The following COL24A1 variants were observed in gnomAD, a reference collection of about 807,000 sequenced individuals.
COL24A1 encodes the protein collagen type XXIV alpha 1 chain, also known as collagen alpha-1(XXIV) chain.
Under a neutral mutation model 253.9 loss-of-function variants are expected in COL24A1, and 224 were observed. That is an observed-to-expected ratio of 0.88 (90% confidence interval 0.79 to 0.99). The LOEUF is 0.99. COL24A1 is among the 50% of genes least tolerant of loss of function. The probability of loss-of-function intolerance (pLI) is 0.00; values close to 1 mark genes in which losing one functional copy is unlikely to be tolerated. For synonymous variants in COL24A1, 685 were observed against 673.7 expected (o/e 1.02, Z -0.26); for missense variants, 2,131 against 2,068.5 (o/e 1.03, Z -0.59).
intron 28 of COL24A1, among the ~76,000 whole-genome samples, chr1:85,902,322 T>C (rs1209356348): frequency 6.6e-6 from 1 of 152,200 alleles, no homozygotes; most frequent in Non-Finnish European, 1.5e-5. Context: ...AAGGCTGCAA[T>C]GGACCTGAAT....
chr1:85,731,903 G>C (rs757619596), intron 59 of COL24A1, among the ~76,000 whole-genome samples: 7 of 152,100 alleles, frequency 4.6e-5, no homozygotes, highest in Admixed American at 1.3e-4. Context: ...GTACAGAAAG[G>C]CATTTCAGAG....
intron 10 of COL24A1, among the ~76,000 whole-genome samples, chr1:86,053,707 G>A (rs1700480094): frequency 6.6e-6 from 1 of 151,970 alleles, no homozygotes; most frequent in South Asian, 2.1e-4. Flanking sequence ...ATTACATAAG[G>A]AAATGCCAAA....
At chr1:85,804,192 T>C (rs1376353598) in intron 47 of COL24A1, among the ~76,000 whole-genome samples, 3 of 151,814 alleles carry the variant, frequency 2.0e-5, no homozygotes, top group Non-Finnish European at 4.4e-5. Context: ...TGAGGCAAAA[T>C]ACAAAAATGA....
chr1:86,039,612 A>G (rs929629604), intron 12 of COL24A1, among the ~76,000 whole-genome samples: 3 of 152,202 alleles, frequency 2.0e-5, no homozygotes, highest in African/African-American at 4.8e-5. Context: ...AATAAAAATT[A>G]TCATAGAAGG....
intron 7 of COL24A1, among the ~76,000 whole-genome samples, chr1:86,085,768 G>A (rs1703016122): frequency 6.6e-6 from 1 of 152,098 alleles, no homozygotes; most frequent in South Asian, 2.1e-4. Context: ...GTTACATGAA[G>A]GTAGCTAAGT....
Position 85,816,813 on chromosome 1 carries a change from C to T in COL24A1, c.3926G>A (p.Gly1309Glu), listed in dbSNP as rs754654207. 42 of 1,613,792 alleles carry T rather than the reference C, an allele frequency of 2.6e-5. 1 individual carries two copies. The change falls in exon 47 of 60, where the codon GGG (glycine) becomes GAG (glutamate). Residue 1309 changes from glycine (G) to glutamate (E), a missense_variant. Physicochemically the swap from Gly to Glu is moderately conservative, Grantham distance 98. Coordinates refer to ENST00000370571, the MANE Select transcript of COL24A1 (RefSeq NM_152890.7). Reference protein sequence around the residue: ...DGISGNPGKIGPPGKQGLPGI... With the variant: ...DGISGNPGKIEPPGKQGLPGI... Reference sequence around the variant, plus strand: ...AGGAAGTCCCTGTTTTCCTGGTGGCCCAATTTTTCCAGGGTTTCCTGAAAT... The same window carrying T: ...AGGAAGTCCCTGTTTTCCTGGTGGCTCAATTTTTCCAGGGTTTCCTGAAAT...
intron 50 of COL24A1, 64 bp downstream of exon 50, chr1:85,784,049 A>G: frequency 7.7e-7 from 1 of 1,300,794 alleles, no homozygotes; most frequent in Admixed American, 2.1e-5. Flanking sequence ...TACAGACTAT[A>G]TTATTTCAAC....
intron 1 of COL24A1, among the ~76,000 whole-genome samples, chr1:86,150,281 C>T (rs1387602922): frequency 1.3e-5 from 2 of 152,120 alleles, no homozygotes; most frequent in Non-Finnish European, 2.9e-5. Flanking sequence ...TCCTATAAGT[C>T]CTACCTTTTA....
chr1:85,870,648 A>G (rs977741642), intron 35 of COL24A1, among the ~76,000 whole-genome samples: 2 of 152,228 alleles, frequency 1.3e-5, no homozygotes, highest in African/African-American at 4.8e-5. Context: ...TTTGAAACCA[A>G]TGAGAACAAA....
chr1:85,771,182 C>T (rs1183940289), intron 53 of COL24A1, among the ~76,000 whole-genome samples: 1 of 152,002 alleles, frequency 6.6e-6, no homozygotes, highest in Non-Finnish European at 1.5e-5. Flanking sequence ...ATATTCGTGC[C>T]ATGGTGGTTT....
chr1:85,875,327 G>C lies in COL24A1; in HGVS notation c.3034C>G (p.Pro1012Ala). 6.2e-7 allele frequency: 1 copy of C among 1,613,156 alleles called. No individual in the cohort carries two copies. The highest frequency in any genetic ancestry group is 8.5e-7 in the Non-Finnish European group (1 of 1,179,258). The change falls in exon 34 of 60, where the codon CCT (proline) becomes GCT (alanine). Residue 1012 changes from proline (P) to alanine (A), a missense_variant. Physicochemically the swap from Pro to Ala is conservative, Grantham distance 27. Coordinates refer to ENST00000370571, the MANE Select transcript of COL24A1 (RefSeq NM_152890.7). Reference protein sequence around the residue: ...GPPGEMGMEGPPGTEGESGLQ... With the variant: ...GPPGEMGMEGAPGTEGESGLQ... ...CCAGACTCTCCCTCAGTGCCTGGAGGTCCCTACAAGAGAATAATTTAACAC... is the reference window on the plus strand; with the variant it reads ...CCAGACTCTCCCTCAGTGCCTGGAGCTCCCTACAAGAGAATAATTTAACAC...
intron 32 of COL24A1, among the ~76,000 whole-genome samples, chr1:85,886,436 C>A (rs1009908052): frequency 1.3e-5 from 2 of 151,360 alleles, no homozygotes; most frequent in Non-Finnish European, 3.0e-5. Context: ...GAGGCAGAGG[C>A]GGGTGGATCA....
rs376318892 is a variant in COL24A1 at position 85,909,943 on chromosome 1, C to T, written c.2670+7G>A. The T allele has an allele frequency of 1.2e-6, 2 of 1,606,782 alleles. No individual in the cohort carries two copies. Among genetic ancestry groups the T allele is most frequent in the Non-Finnish European group, 1.7e-6 (2 of 1,173,932 alleles). ...GAAACATATTTTTCAAATCACTGAGCTCTTACCATAACACCTTTTTCTCCC... is the reference window on the plus strand; with the variant it reads ...GAAACATATTTTTCAAATCACTGAGTTCTTACCATAACACCTTTTTCTCCC... On this transcript the variant is annotated splice_region_variant and intron_variant, in intron 26 of 59. Coordinates refer to ENST00000370571, the MANE Select transcript of COL24A1 (RefSeq NM_152890.7).
chr1:85,895,960 C>G, intron 30 of COL24A1, 58 bp from the exon 31 acceptor site: 1 of 1,599,612 alleles, frequency 6.3e-7, no homozygotes, highest in Non-Finnish European at 8.5e-7. Flanking sequence ...ATTAATCATA[C>G]TAAGAAAAAC....
At position 86,098,866 on chromosome 1, in the gene COL24A1, A is replaced by C. The variant is rs540791093; in HGVS notation, c.1600-6546T>G. Among the ~76,000 whole-genome samples the C allele has an allele frequency of 1.3e-4, 20 of 152,296 alleles. No individual in the cohort carries two copies. The South Asian group carries it at 4.1e-3, about 32-fold the overall frequency. ...AACATCTCTTCAACGTATCATCCAC[A>C]ATATCCAGTATATACAAAATCTTCT... On this transcript the variant is annotated intron_variant, in intron 5 of 59. Transcript: ENST00000370571.
intron 55 of COL24A1, among the ~76,000 whole-genome samples, chr1:85,757,231 A>G (rs1666358119): frequency 6.6e-6 from 1 of 152,254 alleles, no homozygotes; most frequent in Non-Finnish European, 1.5e-5. Context: ...TCTTGCCAAC[A>G]TTAAAAATAA....
At chr1:86,123,520 T>A (rs1647729220) in intron 3 of COL24A1, among the ~76,000 whole-genome samples, 1 of 152,004 alleles carries the variant, frequency 6.6e-6, no homozygotes, top group Non-Finnish European at 1.5e-5. Context: ...GTGTTCCTGC[T>A]TTGCTTATAG....
intron 42 of COL24A1, among the ~76,000 whole-genome samples, chr1:85,840,534 T>C (rs1490619517): frequency 6.6e-6 from 1 of 152,182 alleles, no homozygotes; most frequent in Non-Finnish European, 1.5e-5. Flanking sequence ...CTCTATATAA[T>C]ACTATGTGAG....
chr1:86,125,381 A>G lies in COL24A1; in HGVS notation c.955T>C (p.Ser319Pro). 1 of 1,613,560 alleles carries G rather than the reference A, an allele frequency of 6.2e-7. No homozygotes were observed. The highest frequency in any genetic ancestry group is 2.2e-5 in the East Asian group (1 of 44,856). ...ISRSQLSSLQ[S>P]GNVSAVDLTN... ...AGATCCACAGCAGAGACATTTCCTG[A>G]CTGAAGAGAAGATAACTGAGATCTT... is the stretch of plus-strand genomic sequence containing the variant. The change falls in exon 3 of 60, where the codon TCA becomes CCA. Residue 319 changes from serine (S) to proline (P), a missense_variant. Physicochemically the swap from Ser to Pro is moderately conservative, Grantham distance 74. Coordinates refer to ENST00000370571, the MANE Select transcript of COL24A1 (RefSeq NM_152890.7).
Sources: gnomAD v4.1 joint callset for allele counts (sites outside exome capture counted in the v4.1 genomes callset) on GRCh38, gnomAD v4.1.1 for gene constraint, MANE v1.5 for transcripts, NCBI Gene and HGNC (gene_info 2026-07-23, HGNC 2026-07-21) for gene names.